The following TRPM3 variants were observed in gnomAD, a reference collection of about 807,000 sequenced individuals.
The protein encoded by TRPM3 is long transient receptor potential channel 3.
Under a neutral mutation model 181.2 loss-of-function variants are expected in TRPM3, and 77 were observed. The ratio of observed to expected loss-of-function variants is 0.42; its 90% CI spans 0.35 to 0.51. TRPM3 has a LOEUF of 0.51. TRPM3 is among the 20% of genes least tolerant of loss of function. The probability of loss-of-function intolerance (pLI) is 0.01; values close to 1 mark genes in which losing one functional copy is unlikely to be tolerated. For missense variants in TRPM3, 1,759 were observed against 2,196.7 expected, an observed-to-expected ratio of 0.80 and a Z score of 3.98; for synonymous variants, 745 against 796.4, an observed-to-expected ratio of 0.94 and a Z score of 1.09.
intron 6 of TRPM3, among the ~76,000 whole-genome samples, chr9:70,817,616 G>A (rs924693452): frequency 3.9e-5 from 6 of 152,230 alleles, no homozygotes; most frequent in East Asian, 1.9e-4. Context: ...GTAAGAGACC[G>A]GAAGATCTCC....
At chr9:70,544,038 A>C (rs1201276238) in intron 25 of TRPM3, among the ~76,000 whole-genome samples, 1 of 152,234 alleles carries the variant, frequency 6.6e-6, no homozygotes, top group Non-Finnish European at 1.5e-5. Context: ...CTGTGTGGGC[A>C]GATGCTGCCC....
chr9:70,908,482 T>A (rs1458778902), intron 1 of TRPM3, among the ~76,000 whole-genome samples: 2 of 152,092 alleles, frequency 1.3e-5, no homozygotes, highest in African/African-American at 4.8e-5. Flanking sequence ...GGGGCCAAAA[T>A]CCAGGAGGGA....
At position 71,314,020 on chromosome 9, in the gene TRPM3, T is replaced by C. The variant is rs143216557; in HGVS notation, c.183+132633A>G. Among the ~76,000 whole-genome samples the C allele has an allele frequency of 3.4e-3, 519 of 152,296 alleles. 5 individuals are homozygous for C. The highest frequency in any genetic ancestry group is 0.012 in the African/African-American group (493 of 41,580). ...TGTAAAATTCTTTTCCATGTCATTA[T>C]AAATTCTTCATAAACACCACTGTTA... On this transcript the variant is annotated intron_variant, in intron 1 of 24. Transcript: ENST00000357533.
chr9:71,423,152 CT>C (rs772208419), intron 1 of TRPM3, among the ~76,000 whole-genome samples: 40 of 152,172 alleles, frequency 2.6e-4, no homozygotes, highest in Non-Finnish European at 5.0e-4. Context: ...GCATTTCCTG[CT>C]GTGAGCAAGT....
intron 1 of TRPM3, among the ~76,000 whole-genome samples, chr9:71,135,187 A>G (rs1037522423): frequency 1.3e-5 from 2 of 152,328 alleles, no homozygotes; most frequent in East Asian, 1.9e-4. Context: ...TATCTTATCC[A>G]TATACTGGAC....
At chr9:71,432,377 T>A (rs972570553) in intron 1 of TRPM3, among the ~76,000 whole-genome samples, 1 of 146,774 alleles carries the variant, frequency 6.8e-6, no homozygotes, top group South Asian at 2.2e-4. Context: ...CTGCATACAT[T>A]TTCATGGCCT....
intron 1 of TRPM3, among the ~76,000 whole-genome samples, chr9:71,255,577 A>G (rs912791056): frequency 5.3e-5 from 8 of 152,222 alleles, no homozygotes; most frequent in African/African-American, 1.9e-4. Context: ...AAAAAGAGAC[A>G]AAACCTTGAT....
At chr9:70,776,180 G>A (rs371777557) in intron 7 of TRPM3, 5 of 350,152 alleles carry the variant, frequency 1.4e-5, no homozygotes, top group Non-Finnish European at 2.0e-5. Context: ...CACCTTGTCT[G>A]TATTACATAT....
intron 6 of TRPM3, among the ~76,000 whole-genome samples, chr9:70,793,395 G>A (rs2086031533): frequency 6.7e-6 from 1 of 149,338 alleles, no homozygotes; most frequent in African/African-American, 2.5e-5. Context: ...AGTCGAGGCT[G>A]CAGTGAGCCC....
chr9:71,006,323 T>G (rs929378753), intron 1 of TRPM3, among the ~76,000 whole-genome samples: 1 of 151,384 alleles, frequency 6.6e-6, no homozygotes, highest in African/African-American at 2.4e-5. Context: ...AAAATGGCAG[T>G]AGAAAACCCG....
At chr9:70,575,477 C>G (rs1477797398) in intron 22 of TRPM3, among the ~76,000 whole-genome samples, 1 of 152,120 alleles carries the variant, frequency 6.6e-6, no homozygotes, top group African/African-American at 2.4e-5. Context: ...ATTAATTTGG[C>G]ACATGACACA....
chr9:70,609,457 C>T (rs934869693), intron 19 of TRPM3, among the ~76,000 whole-genome samples: 10 of 152,120 alleles, frequency 6.6e-5, no homozygotes, highest in African/African-American at 2.2e-4. Flanking sequence ...TTCTCAAGAC[C>T]ACACTTTAAA....
chr9:71,331,018 C>T (rs1042584876), intron 1 of TRPM3, among the ~76,000 whole-genome samples: 1 of 151,746 alleles, frequency 6.6e-6, no homozygotes, highest in Non-Finnish European at 1.5e-5. Flanking sequence ...TGCTAAGATT[C>T]TTGGGATCTC....
chr9:70,590,852 C>T, intron 22 of TRPM3, 179 bp downstream of exon 22: 1 of 718,760 alleles, frequency 1.4e-6, no homozygotes. Flanking sequence ...CCAAGAACTA[C>T]TTTGCTAAAA....
chr9:71,417,645 T>C (rs947391848), intron 1 of TRPM3, among the ~76,000 whole-genome samples: 3 of 151,998 alleles, frequency 2.0e-5, no homozygotes, highest in African/African-American at 7.2e-5. Context: ...TGGAAACATA[T>C]CTGAGAAAGG....
At chr9:70,589,649 A>G (rs1297047052) in intron 22 of TRPM3, among the ~76,000 whole-genome samples, 1 of 152,184 alleles carries the variant, frequency 6.6e-6, no homozygotes, top group African/African-American at 2.4e-5. Flanking sequence ...GCACATTGTC[A>G]GCCAAAGATA....
intron 18 of TRPM3, among the ~76,000 whole-genome samples, chr9:70,612,627 C>T (rs4269601): frequency 0.97 from 147,735 of 152,296 alleles, 71,819 homozygotes; most frequent in East Asian, 1. Flanking sequence ...TGGAAAAGTC[C>T]CTTGGGTTAA....
At chr9:70,885,311 T>C (rs757185321) in intron 1 of TRPM3, among the ~76,000 whole-genome samples, 2 of 152,206 alleles carry the variant, frequency 1.3e-5, no homozygotes, top group Non-Finnish European at 2.9e-5. Context: ...CTGTATTCAC[T>C]AGATACCAGT....
intron 1 of TRPM3, among the ~76,000 whole-genome samples, chr9:71,297,423 C>T (rs954655684): frequency 3.9e-5 from 6 of 152,012 alleles, no homozygotes; most frequent in Admixed American, 2.0e-4. Flanking sequence ...AATTTAGAAA[C>T]GAAAGTGGTT....
Sources: gnomAD v4.1 joint callset for allele counts (sites outside exome capture counted in the v4.1 genomes callset) on GRCh38, gnomAD v4.1.1 for gene constraint, MANE v1.5 for transcripts, NCBI Gene and HGNC (gene_info 2026-07-23, HGNC 2026-07-21) for gene names.